Variants in DNAH17 observed in about 807,000 individuals in gnomAD.
DNAH17 encodes the protein dynein axonemal heavy chain 17.
DNAH17 carries 376 observed loss-of-function variants against 485.6 expected under a neutral mutation model. The ratio of observed to expected loss-of-function variants is 0.77; its 90% confidence interval spans 0.71 to 0.84. The LOEUF (loss-of-function observed/expected upper bound fraction) is 0.84, where lower values mean the gene tolerates loss of function less well. Among genes scored for constraint, DNAH17 ranks in the 40% least tolerant of loss-of-function variants. The pLI is 0.00. For missense variants in DNAH17, 6,370 were observed against 5,839.3 expected, an observed-to-expected ratio of 1.09 and a Z score of -2.96; for synonymous variants, 3,031 against 2,405.9, an observed-to-expected ratio of 1.26 and a Z score of -7.60.
chr17:78,565,207 T>C (rs2092242854), intron 11 of DNAH17, among the ~76,000 whole-genome samples: 1 of 152,238 alleles, frequency 6.6e-6, no homozygotes, highest in Non-Finnish European at 1.5e-5. Context: ...CCTGTATCTA[T>C]TGAGATGGTA....
chr17:78,451,705 C>T, intron 65 of DNAH17, 32 bp from the exon 66 acceptor site: 3 of 1,521,100 alleles, frequency 2.0e-6, no homozygotes, highest in East Asian at 4.7e-5. Flanking sequence ...GGTTAGTGGG[C>T]CTCCCAGTGA....
chr17:78,559,926 T>C (rs1438946739), intron 13 of DNAH17, among the ~76,000 whole-genome samples: 1 of 152,206 alleles, frequency 6.6e-6, no homozygotes, highest in Non-Finnish European at 1.5e-5. Flanking sequence ...CCTCCATCTC[T>C]GCTCAGCGGC....
rs1341985390 is a variant in DNAH17, at chr17:78,560,733, C to T, written c.2031+7G>A. 1.3e-6 allele frequency: 2 copies of T among 1,546,336 alleles called. No homozygotes were observed. The highest frequency in any genetic ancestry group is 1.4e-5 in the African/African-American group (1 of 73,116). On this transcript the variant is annotated splice_region_variant and intron_variant, in intron 13 of 80. Transcript: ENST00000389840. ...CCTTTGACGCGGTCCCCACTCCTGG[C>T]ACCCACCGCTTTGCTGAAGTTGACG...
intron 41 of DNAH17, 90 bp from the exon 42 acceptor site, chr17:78,492,855 G>C: frequency 1.6e-6 from 1 of 632,782 alleles, no homozygotes; most frequent in Non-Finnish European, 2.2e-6. Context: ...GGCCTGGATG[G>C]TTTTTTTTTT....
intron 56 of DNAH17, among the ~76,000 whole-genome samples, chr17:78,466,296 A>T (rs1445392224): frequency 6.6e-6 from 1 of 152,166 alleles, no homozygotes; most frequent in South Asian, 2.1e-4. Flanking sequence ...AACACTGCCG[A>T]AGGCCGGAAG....
At chr17:78,557,627 A>G (rs1033515459) in intron 14 of DNAH17, among the ~76,000 whole-genome samples, 1 of 114,158 alleles carries the variant, frequency 8.8e-6, no homozygotes, top group Non-Finnish European at 1.7e-5. Context: ...TGACAGAGTG[A>G]GACTGTCTCA....
At chr17:78,553,309 TTTTTTTTTTTAA>T (rs2091949932) in intron 14 of DNAH17, among the ~76,000 whole-genome samples, 2 of 58,796 alleles carry the variant, frequency 3.4e-5, no homozygotes, top group Admixed American at 1.8e-4. Flanking sequence ...TTTTTTTTTT[TTTTTTTTTTTAA>T]GATGGAGTCT....
Position 78,426,483 on chromosome 17 carries a change from ACCAGGCCG to A in DNAH17, c.12881_12888del (p.Ala4294ValfsTer97). The A allele has an allele frequency of 6.2e-7, 1 of 1,610,952 alleles. No individual in the cohort carries two copies. Among genetic ancestry groups the A allele is most frequent in the Non-Finnish European group, 8.5e-7 (1 of 1,178,628 alleles). On this transcript the variant is annotated frameshift_variant, in exon 79 of 81. Coordinates refer to ENST00000389840, the MANE Select transcript of DNAH17 (RefSeq NM_173628.4). LOFTEE classifies it high-confidence loss of function. ...CTGATGCGGAGCAGCAGGTCTGCGT[ACCAGGCCG>A]CCAGGCCCATCATGGAGGGGTAGGC...
chr17:78,554,814 T>G (rs2091985408), intron 14 of DNAH17, among the ~76,000 whole-genome samples: 1 of 152,230 alleles, frequency 6.6e-6, no homozygotes, highest in East Asian at 1.9e-4. Flanking sequence ...TGGCGTGATC[T>G]TGGCTCACTG....
chr17:78,466,936 G>C, intron 55 of DNAH17, 120 bp from the exon 56 acceptor site: 3 of 1,062,014 alleles, frequency 2.8e-6, no homozygotes, highest in East Asian at 2.9e-5. Context: ...GCCGCCCAGG[G>C]CCTGGGCAGC....
intron 6 of DNAH17, among the ~76,000 whole-genome samples, 190 bp from the exon 7 acceptor site, chr17:78,570,562 G>A (rs927993445): frequency 6.6e-6 from 1 of 152,002 alleles, no homozygotes; most frequent in African/African-American, 2.4e-5. Flanking sequence ...CACATGCCTT[G>A]AAGAAACAAG....
At position 78,462,847 on chromosome 17, in the gene DNAH17, G is replaced by A. The variant is rs2088207102; in HGVS notation, c.9171C>T (p.Ser3057=). ...GCAGCCAGCCCCCCTCTCCTACCTG[G>A]GAAGCCGTGCTCTGCAGCTTCATCA... is the stretch of plus-strand genomic sequence containing the variant. ...NGLMKLQSTA[S]QVDDLKAKLA... Residue 3057 remains serine, a synonymous_variant, in exon 57 of 81, where the codon TCC becomes TCT. Transcript: ENST00000389840. 1 of 1,613,868 alleles carries A rather than the reference G, an allele frequency of 6.2e-7. No individual in the cohort carries two copies.
intron 56 of DNAH17, among the ~76,000 whole-genome samples, chr17:78,465,786 C>G (rs1357456873): frequency 7.0e-6 from 1 of 142,766 alleles, no homozygotes; most frequent in Non-Finnish European, 1.5e-5. Flanking sequence ...GCCAGGCCAG[C>G]CGCCCCGTCC....
intron 71 of DNAH17, among the ~76,000 whole-genome samples, chr17:78,443,519 G>A (rs1473574880): frequency 6.6e-6 from 1 of 150,858 alleles, no homozygotes; most frequent in African/African-American, 2.4e-5. Context: ...CTGGGAGTTA[G>A]GCCTCTGCTT....
chr17:78,429,414 T>C, intron 75 of DNAH17, 114 bp from the exon 76 acceptor site: 10 of 1,173,184 alleles, frequency 8.5e-6, no homozygotes, highest in African/African-American at 1.5e-5. Flanking sequence ...TGCTGTGTCC[T>C]TCTCGCCCTC....
chr17:78,521,030 A>G (rs1376388112), intron 25 of DNAH17, among the ~76,000 whole-genome samples: 2 of 152,208 alleles, frequency 1.3e-5, no homozygotes, highest in Non-Finnish European at 2.9e-5. Context: ...AGACACGAAG[A>G]CCAATGGAAC....
At position 78,561,744 on chromosome 17, in the gene DNAH17, G is replaced by A. The variant is rs760760559; in HGVS notation, c.1806C>T (p.Ser602=). The part of the protein sequence containing the change: ...SLELQERLEV[S]MKHLKHVEHP... ...GTTCGACGTGCTTCAGGTGTTTCAT[G>A]GACACCTCTAGCCTCTCCTGCAGCT... The change falls in exon 12 of 81, where the codon TCC becomes TCT. Residue 602 remains serine (S), a synonymous_variant. Coordinates refer to ENST00000389840, the MANE Select transcript of DNAH17 (RefSeq NM_173628.4). 7 of 1,611,428 alleles carry A rather than the reference G, an allele frequency of 4.3e-6. No individual in the cohort carries two copies. The South Asian group carries it at 7.7e-5, about 18-fold the overall frequency.
intron 49 of DNAH17, 46 bp from the exon 50 acceptor site, chr17:78,479,678 C>T (rs1192452272): frequency 1.9e-6 from 3 of 1,606,194 alleles, no homozygotes; most frequent in Admixed American, 3.4e-5. Context: ...CTCTTGGGGA[C>T]CTGCCTGGGG....
intron 34 of DNAH17, 39 bp downstream of exon 34, chr17:78,501,703 T>TTGCC: frequency 6.2e-7 from 1 of 1,604,064 alleles, no homozygotes; most frequent in African/African-American, 1.3e-5. Context: ...CGGTGTCCCC[T>TTGCC]TGCCCTTCCC....
Sources: allele counts gnomAD v4.1 joint callset (sites outside exome capture counted in the v4.1 genomes callset), GRCh38; gene constraint gnomAD v4.1.1; transcripts MANE v1.5; gene names NCBI Gene and HGNC (gene_info 2026-07-23, HGNC 2026-07-21).